RAP1GDS1: variants seen among roughly 807,000 people sequenced by gnomAD.
RAP1GDS1 encodes the protein RAP1, GTP-GDP dissociation stimulator 1.
RAP1GDS1 carries 35 observed loss-of-function variants against 71.1 expected under a neutral mutation model. The observed-to-expected ratio is 0.49, with a 90% CI of 0.38 to 0.65. The LOEUF (loss-of-function observed/expected upper bound fraction) is 0.65. RAP1GDS1 is among the 30% of genes least tolerant of loss of function. The pLI, the probability that RAP1GDS1 is intolerant of heterozygous loss-of-function variation, is 0.00. For synonymous variants in RAP1GDS1, 229 were observed against 243.1 expected, an observed-to-expected ratio of 0.94 and a Z score of 0.54; for missense variants, 663 against 706.1, an observed-to-expected ratio of 0.94 and a Z score of 0.69.
chr4:98,423,236 G>GAGGAAAGGGAAAGAGAATGA (rs1442946882), intron 12 of RAP1GDS1, among the ~76,000 whole-genome samples: 4 of 152,172 alleles, frequency 2.6e-5, no homozygotes, highest in Non-Finnish European at 5.9e-5. Context: ...GGAATCTCAG[G>GAGGAAAGGGAAAGAGAATGA]AGGAAAGGGA....
At chr4:98,407,623 A>G (rs1560972917) in intron 7 of RAP1GDS1, among the ~76,000 whole-genome samples, 2 of 152,174 alleles carry the variant, frequency 1.3e-5, no homozygotes, top group African/African-American at 4.8e-5. Flanking sequence ...CAGCTACGCT[A>G]TGTGTACACA....
At chr4:98,402,057 C>T (rs908754289) in intron 6 of RAP1GDS1, among the ~76,000 whole-genome samples, 4 of 151,814 alleles carry the variant, frequency 2.6e-5, no homozygotes, top group Non-Finnish European at 4.4e-5. Context: ...GATAAATCAT[C>T]TCTACTTACT....
At chr4:98,359,655 A>G (rs1738439562) in intron 4 of RAP1GDS1, among the ~76,000 whole-genome samples, 1 of 152,186 alleles carries the variant, frequency 6.6e-6, no homozygotes, top group Non-Finnish European at 1.5e-5. Flanking sequence ...TTGTGCATCC[A>G]TTAATGTATA....
At chr4:98,400,994 A>C (rs1045766924) in intron 6 of RAP1GDS1, among the ~76,000 whole-genome samples, 4 of 152,214 alleles carry the variant, frequency 2.6e-5, no homozygotes, top group Non-Finnish European at 5.9e-5. Context: ...TCTGGAAGCC[A>C]CTGGAAGTTG....
intron 2 of RAP1GDS1, among the ~76,000 whole-genome samples, chr4:98,318,497 A>G (rs978933943): frequency 3.3e-5 from 5 of 152,206 alleles, no homozygotes; most frequent in African/African-American, 4.8e-5. Context: ...CCCCATCTCA[A>G]AATACTTTAT....
chr4:98,388,545 G>T (rs1451438269), intron 5 of RAP1GDS1, among the ~76,000 whole-genome samples: 1 of 152,092 alleles, frequency 6.6e-6, no homozygotes, highest in Non-Finnish European at 1.5e-5. Context: ...GTCCAACATG[G>T]TGAAACCCTG....
At chr4:98,341,456 T>A (rs1735490805) in intron 2 of RAP1GDS1, among the ~76,000 whole-genome samples, 1 of 152,320 alleles carries the variant, frequency 6.6e-6, no homozygotes, top group East Asian at 1.9e-4. Flanking sequence ...TTAGTTACAG[T>A]TAAATGAGAC....
At chr4:98,410,138 T>C (rs2110167226) in intron 7 of RAP1GDS1, among the ~76,000 whole-genome samples, 1 of 152,278 alleles carries the variant, frequency 6.6e-6, no homozygotes. Context: ...AAAACTCTTT[T>C]TTTAAAGACA....
chr4:98,296,476 C>T (rs1036758607), intron 2 of RAP1GDS1, among the ~76,000 whole-genome samples: 1 of 151,106 alleles, frequency 6.6e-6, no homozygotes, highest in Admixed American at 6.6e-5. Flanking sequence ...TGAATACTTA[C>T]TAGATTTTAT....
At chr4:98,289,275 G>A (rs1229375038) in intron 1 of RAP1GDS1, among the ~76,000 whole-genome samples, 2 of 152,166 alleles carry the variant, frequency 1.3e-5, no homozygotes, top group Non-Finnish European at 2.9e-5. Context: ...CCTAGAAAAG[G>A]AAGGTTCCTC....
At chr4:98,327,147 CA>C (rs138101168) in intron 2 of RAP1GDS1, among the ~76,000 whole-genome samples, 2,176 of 152,204 alleles carry the variant, frequency 0.014, 54 homozygotes, top group African/African-American at 0.05. Context: ...CAAATTGTAA[CA>C]TTTTTTTAAA....
At chr4:98,333,905 G>A (rs1734342625) in intron 2 of RAP1GDS1, among the ~76,000 whole-genome samples, 1 of 152,052 alleles carries the variant, frequency 6.6e-6, no homozygotes, top group Non-Finnish European at 1.5e-5. Flanking sequence ...TACCAACAAA[G>A]ATTATTCTGT....
intron 2 of RAP1GDS1, among the ~76,000 whole-genome samples, chr4:98,296,467 G>T (rs1420608973): frequency 6.6e-6 from 1 of 150,724 alleles, no homozygotes; most frequent in African/African-American, 2.4e-5. Context: ...AAGAAGATTT[G>T]AATACTTACT....
Position 98,418,787 on chromosome 4 carries a change from T to G in RAP1GDS1, c.1170T>G (p.Ile390Met). ...AALSALRNLA[I>M]PVINKAKMLS... is the part of the protein sequence containing the mutation. ...TAAGTGCCCTCAGAAACCTGGCCAT[T>G]CCAGGTAAGACTTAAGAATAGAAGG... The change falls in exon 10 of 15, where the codon ATT (isoleucine) becomes ATG (methionine). Residue 390 changes from isoleucine (I) to methionine (M), a missense_variant. Physicochemically the swap from Ile to Met is conservative, Grantham distance 10. Coordinates refer to ENST00000408927, the MANE Select transcript of RAP1GDS1 (RefSeq NM_001100427.2). 1 of 1,590,248 alleles carries G rather than the reference T, an allele frequency of 6.3e-7. No individual in the cohort carries two copies. Among genetic ancestry groups the G allele is most frequent in the Non-Finnish European group, 8.5e-7 (1 of 1,170,970 alleles).
intron 4 of RAP1GDS1, among the ~76,000 whole-genome samples, chr4:98,376,456 T>G (rs1225114043): frequency 1.3e-5 from 2 of 152,110 alleles, no homozygotes; most frequent in Non-Finnish European, 2.9e-5. Flanking sequence ...GTATTTAAAA[T>G]GATTTGTTTT....
chr4:98,442,276 C>G lies in RAP1GDS1; in HGVS notation c.*159C>G. The G allele has an allele frequency of 2.0e-6, 2 of 1,002,278 alleles. No homozygotes were observed. The highest frequency in any genetic ancestry group is 2.8e-6 in the Non-Finnish European group (2 of 720,872). 62.1% of individuals were successfully genotyped at this position (1,002,278 alleles called of 1,614,324 possible). ...TGTAGGTACCTCCCTAATAAGATTT[C>G]TAAACCTATAGTTAGTGTGATCATG... On this transcript the variant is annotated 3_prime_UTR_variant, in exon 15 of 15. Transcript: ENST00000408927.
In RAP1GDS1 at chr4:98,382,167, T is replaced by G. The variant is rs1742115607; in HGVS notation, c.508+3004T>G. Among the ~76,000 whole-genome samples the G allele has an allele frequency of 2.0e-5, 3 of 151,666 alleles. No individual in the cohort carries two copies. In the South Asian group the frequency reaches 6.2e-4, roughly 31 times the overall value. ...CTCAAGACTCTATACCTCTAAGCTATGAGCTGGATATATACTTTTGTTTCC... is the reference window on the plus strand; with the variant it reads ...CTCAAGACTCTATACCTCTAAGCTAGGAGCTGGATATATACTTTTGTTTCC... On this transcript the variant is annotated intron_variant, in intron 5 of 14. Coordinates refer to ENST00000408927, the MANE Select transcript of RAP1GDS1 (RefSeq NM_001100427.2).
intron 7 of RAP1GDS1, among the ~76,000 whole-genome samples, chr4:98,414,174 A>C (rs887874502): frequency 7.2e-6 from 1 of 138,738 alleles, no homozygotes; most frequent in Non-Finnish European, 1.6e-5. Flanking sequence ...TTGCCTGTTC[A>C]CTCTGATGGT....
At chr4:98,373,861 C>G (rs1378941932) in intron 4 of RAP1GDS1, among the ~76,000 whole-genome samples, 1 of 152,130 alleles carries the variant, frequency 6.6e-6, no homozygotes, top group African/African-American at 2.4e-5. Flanking sequence ...TACTTGAACA[C>G]AAGCACTGCG....
Sources: allele counts gnomAD v4.1 joint callset (sites outside exome capture counted in the v4.1 genomes callset), GRCh38; gene constraint gnomAD v4.1.1; transcripts MANE v1.5; gene names NCBI Gene and HGNC (gene_info 2026-07-23, HGNC 2026-07-21).